Variants in TRAPPC5 observed in about 807,000 individuals in gnomAD.
The protein encoded by TRAPPC5 is trafficking protein particle complex 5.
Under a neutral mutation model 9.8 loss-of-function variants are expected in TRAPPC5, and 5 were observed. The observed-to-expected ratio is 0.51, with a 90% CI of 0.27 to 1.07. The LOEUF is 1.07. Among genes scored for constraint, TRAPPC5 ranks in the 50% least tolerant of loss-of-function variants. TRAPPC5 has a pLI of 0.12. For synonymous variants in TRAPPC5, 146 were observed against 140.7 expected (o/e 1.04, Z -0.26); for missense variants, 243 against 291.5 (o/e 0.83, Z 1.21).
rs1382352426 is a variant in TRAPPC5, at chr19:7,685,256, G to T, written c.*2436G>T. 1.3e-5 allele frequency: 2 copies of T among 151,932 alleles called. No individual in the cohort carries two copies. The highest frequency in any genetic ancestry group is 4.9e-5 in the African/African-American group (2 of 41,214). 9.4% of individuals were successfully genotyped at this position (151,932 alleles called of 1,614,324 possible). Reference sequence around the variant, plus strand: ...CTGGCACTCCAGCCTGAGCAACAGAGTGAGACCCTGTCTTAAAAAAGAAAA... The same window carrying T: ...CTGGCACTCCAGCCTGAGCAACAGATTGAGACCCTGTCTTAAAAAAGAAAA... On this transcript the variant is annotated 3_prime_UTR_variant, in exon 2 of 2. Transcript: ENST00000596148.
rs1040254010 is a variant in TRAPPC5, at chr19:7,682,966, A to C, written c.*146A>C. 3.3e-6 allele frequency: 3 copies of C among 905,792 alleles called. No homozygotes were observed. Among genetic ancestry groups the C allele is most frequent in the Middle Eastern group, 2.8e-4 (1 of 3,616 alleles). The allele number at this position is 905,792 out of a possible 1,614,324, so 56.1% of individuals were successfully genotyped here. A position where few individuals can be genotyped will look rare whatever the true frequency, so the allele number is the denominator to read the frequency against. On this transcript the variant is annotated 3_prime_UTR_variant, in exon 2 of 2. Transcript: ENST00000596148. This position sits in a 1 kb window ranked among gnomAD's most constrained non-coding sequence, Gnocchi z 8.6. ...CCAGGTCCGAATGTGTTTACAGTAGAGTGGGGGCGGGTCTGGCCATAGGGT... is the reference window on the plus strand; with the variant it reads ...CCAGGTCCGAATGTGTTTACAGTAGCGTGGGGGCGGGTCTGGCCATAGGGT...
rs1430812420 is a variant in TRAPPC5, at chr19:7,687,446, G to C, written c.*4626G>C. 1 of 152,478 alleles carries C rather than the reference G, an allele frequency of 6.6e-6. No individual in the cohort carries two copies. The allele number at this position is 152,478 out of a possible 1,614,324, so 9.4% of individuals were successfully genotyped here. On this transcript the variant is annotated 3_prime_UTR_variant, in exon 2 of 2. Coordinates refer to ENST00000596148, the MANE Select transcript of TRAPPC5 (RefSeq NM_001042462.2). ...ACCCTGAGTAGGGTTAACACCTCCA[G>C]ACCCGAAATGGCCTCCGGTTGACCG...
Position 7,681,991 on chromosome 19 carries a change from T to A in TRAPPC5, c.-12-251T>A, listed in dbSNP as rs2032644942. Among the ~76,000 whole-genome samples, 1 of 151,962 alleles carries A rather than the reference T, an allele frequency of 6.6e-6. No individual in the cohort carries two copies. Among genetic ancestry groups the A allele is most frequent in the Admixed American group, 6.6e-5 (1 of 15,260 alleles). ...TCCCCCTCGTGTCTCTCCTCCCACC[T>A]TGTCCCCACTCCCGCTAGCCCGCTG... On this transcript the variant is annotated intron_variant, in intron 1 of 1. Transcript: ENST00000596148. The surrounding 1 kb of genome is among the most constrained non-coding windows in gnomAD (Gnocchi z 8.7).
chr19:7,686,292 AAAG>A lies in TRAPPC5; in HGVS notation c.*3477_*3479del, dbSNP rs1447484327. The A allele has an allele frequency of 6.6e-6, 1 of 152,454 alleles. No individual in the cohort carries two copies. 9.4% of individuals were successfully genotyped at this position (152,454 alleles called of 1,614,324 possible). A position where few individuals can be genotyped will look rare whatever the true frequency, so the allele number is the denominator to read the frequency against. ...GGTTGGGGCAAGGGAGGATGAAGAG[AAAG>A]AAGAGCCTGTGGTTCGGCAGCTTCT... On this transcript the variant is annotated 3_prime_UTR_variant, in exon 2 of 2. Coordinates refer to ENST00000596148, the MANE Select transcript of TRAPPC5 (RefSeq NM_001042462.2).
In TRAPPC5 at chr19:7,683,034, C is replaced by G; in HGVS notation, c.*214C>G. ...CCAGGAGTGGTGGGGAGAAATAAAC[C>G]CGGCAAAAGGAGTTGGTGGGAAATG... On this transcript the variant is annotated 3_prime_UTR_variant, in exon 2 of 2. Transcript: ENST00000596148. 3.5e-6 allele frequency: 2 copies of G among 578,174 alleles called. No homozygotes were observed. The highest frequency in any genetic ancestry group is 6.1e-6 in the Non-Finnish European group (2 of 329,462). 35.8% of individuals were successfully genotyped at this position (578,174 alleles called of 1,614,324 possible). A position where few individuals can be genotyped will look rare whatever the true frequency, so the allele number is the denominator to read the frequency against.
chr19:7,682,429 G>T lies in TRAPPC5; in HGVS notation c.176G>T (p.Arg59Leu), dbSNP rs750022051. ...ELQSRLAALG[R>L]QVGARVLDAL... ...CAGTCGCGCCTGGCCGCGCTGGGCCGCCAGGTGGGCGCGCGCGTGCTGGAT... is the reference window on the plus strand; with the variant it reads ...CAGTCGCGCCTGGCCGCGCTGGGCCTCCAGGTGGGCGCGCGCGTGCTGGAT... The change falls in exon 2 of 2, where the codon CGC (arginine) becomes CTC (leucine). Residue 59 changes from arginine to leucine, a missense_variant. By Grantham distance (102) the Arg-to-Leu change is moderately radical. This residue lies in a region of TRAPPC5 where 154 missense variants were observed against 215.8 expected (regional missense o/e 0.71). Transcript: ENST00000596148. The surrounding 1 kb of genome is among the most constrained non-coding windows in gnomAD (Gnocchi z 8.6). The T allele has an allele frequency of 1.4e-5, 23 of 1,599,046 alleles. No individual in the cohort carries two copies. Among genetic ancestry groups the T allele is most frequent in the East Asian group, 1.4e-4 (6 of 44,416 alleles).
In TRAPPC5 at chr19:7,681,666, T is replaced by C. The variant is rs1166002926; in HGVS notation, c.-12-576T>C. ...CCCCCAACCCTCCTGGCTTTTGGTC[T>C]TGACACGCTCCTACCCCACTCCCAC... On this transcript the variant is annotated intron_variant, in intron 1 of 1. Coordinates refer to ENST00000596148, the MANE Select transcript of TRAPPC5 (RefSeq NM_001042462.2). This position sits in a 1 kb window ranked among gnomAD's most constrained non-coding sequence, Gnocchi z 8.7. 3.3e-5 allele frequency among the ~76,000 whole-genome samples: 5 copies of C among 151,866 alleles called. No homozygotes were observed. The highest frequency in any genetic ancestry group is 1.3e-4 in the Admixed American group (2 of 15,262).
In TRAPPC5 at chr19:7,682,174, C is replaced by CT. The variant is rs1285580407; in HGVS notation, c.-12-67dup. 6 of 1,312,554 alleles carry CT rather than the reference C, an allele frequency of 4.6e-6. No individual in the cohort carries two copies. Among genetic ancestry groups the CT allele is most frequent in the African/African-American group, 1.6e-5 (1 of 63,962 alleles). 81.3% of individuals were successfully genotyped at this position (1,312,554 alleles called of 1,614,324 possible). A position where few individuals can be genotyped will look rare whatever the true frequency, so the allele number is the denominator to read the frequency against. On this transcript the variant is annotated intron_variant, in intron 1 of 1. Transcript: ENST00000596148. This position sits in a 1 kb window ranked among gnomAD's most constrained non-coding sequence, Gnocchi z 8.6. ...GTCCCAGGGCCCCTCGCGGTTCTCCCTCCTTTCCTCCCGGCCTGCTCCCCT... is the reference window on the plus strand; with the variant it reads ...GTCCCAGGGCCCCTCGCGGTTCTCCCTTCCTTTCCTCCCGGCCTGCTCCCCT...
At position 7,684,728 on chromosome 19, in the gene TRAPPC5, C is replaced by T. The variant is rs2032697001; in HGVS notation, c.*1908C>T. On this transcript the variant is annotated 3_prime_UTR_variant, in exon 2 of 2. Transcript: ENST00000596148. ...AGGTGCATTCCTGTAGTCCCAGCTA[C>T]CTAATTTTTTGTATTTTTAGTAGAG... 1 of 152,140 alleles carries T rather than the reference C, an allele frequency of 6.6e-6. No homozygotes were observed. Among genetic ancestry groups the T allele is most frequent in the Non-Finnish European group, 1.5e-5 (1 of 68,030 alleles). 9.4% of individuals were successfully genotyped at this position (152,140 alleles called of 1,614,324 possible).
rs1319829988 is a variant in TRAPPC5, at chr19:7,682,990, G to GT, written c.*172dup. ...GAGTGGGGGCGGGTCTGGCCATAGG[G>GT]TTGGGGGGTTGAGTGAGACCAGGAG... On this transcript the variant is annotated 3_prime_UTR_variant, in exon 2 of 2. Transcript: ENST00000596148. This position sits in a 1 kb window ranked among gnomAD's most constrained non-coding sequence, Gnocchi z 8.6. 2 of 711,988 alleles carry GT rather than the reference G, an allele frequency of 2.8e-6. No individual in the cohort carries two copies. The highest frequency in any genetic ancestry group is 4.6e-6 in the Non-Finnish European group (2 of 432,940). 44.1% of individuals were successfully genotyped at this position (711,988 alleles called of 1,614,324 possible).
At position 7,682,822 on chromosome 19, in the gene TRAPPC5, C is replaced by G; in HGVS notation, c.*2C>G. 1.3e-6 allele frequency: 2 copies of G among 1,582,664 alleles called. No individual in the cohort carries two copies. Among genetic ancestry groups the G allele is most frequent in the African/African-American group, 2.7e-5 (2 of 74,274 alleles). On this transcript the variant is annotated 3_prime_UTR_variant, in exon 2 of 2. Coordinates refer to ENST00000596148, the MANE Select transcript of TRAPPC5 (RefSeq NM_001042462.2). The surrounding 1 kb of genome is among the most constrained non-coding windows in gnomAD (Gnocchi z 8.6). ...GACCGGGCCCTGGAGGGCCGCTGAC[C>G]CTGCCGGAGATAAAGGATACAGAGA...
chr19:7,687,160 A>C lies in TRAPPC5; in HGVS notation c.*4340A>C, dbSNP rs2032730489. ...AGCCCCGGGCGGAGGTGACTGCTCC[A>C]GTCGAGGCAGTGGCAGAAGGGGTGA... On this transcript the variant is annotated 3_prime_UTR_variant, in exon 2 of 2. Transcript: ENST00000596148. 1 of 152,606 alleles carries C rather than the reference A, an allele frequency of 6.6e-6. No homozygotes were observed. Among genetic ancestry groups the C allele is most frequent in the African/African-American group, 2.4e-5 (1 of 41,474 alleles). 9.5% of individuals were successfully genotyped at this position (152,606 alleles called of 1,614,324 possible). A position where few individuals can be genotyped will look rare whatever the true frequency, so the allele number is the denominator to read the frequency against.
In TRAPPC5 at chr19:7,681,052, A is replaced by G. The variant is rs928533856; in HGVS notation, c.-13+174A>G. ...GTGGGTTTCTCCCCAGTGTAGAGGT[A>G]CGGGGCGAGGGTCGCGGGGCCCTGA... On this transcript the variant is annotated intron_variant, in intron 1 of 1. Coordinates refer to ENST00000596148, the MANE Select transcript of TRAPPC5 (RefSeq NM_001042462.2). This position sits in a 1 kb window ranked among gnomAD's most constrained non-coding sequence, Gnocchi z 8.7. The G allele has an allele frequency of 6.6e-6, 1 of 151,030 alleles. No individual in the cohort carries two copies. Among genetic ancestry groups the G allele is most frequent in the Admixed American group, 6.6e-5 (1 of 15,202 alleles). The allele number at this position is 151,030 out of a possible 1,614,324, so 9.4% of individuals were successfully genotyped here. A position where few individuals can be genotyped will look rare whatever the true frequency, so the allele number is the denominator to read the frequency against.
Position 7,683,157 on chromosome 19 carries a change from TG to T in TRAPPC5, c.*342del. The stretch of plus-strand genomic sequence containing the variant: ...CAGGCTGAGACAGACGCCTTTAGAC[TG>T]GGGGTGGGCAAACTGCGCAAAGTGC... On this transcript the variant is annotated 3_prime_UTR_variant, in exon 2 of 2. Transcript: ENST00000596148. 1 of 314,382 alleles carries T rather than the reference TG, an allele frequency of 3.2e-6. No homozygotes were observed. Among genetic ancestry groups the T allele is most frequent in the Non-Finnish European group, 5.9e-6 (1 of 170,466 alleles). 19.5% of individuals were successfully genotyped at this position (314,382 alleles called of 1,614,324 possible).
At position 7,682,657 on chromosome 19, in the gene TRAPPC5, G is replaced by GCACGCT; in HGVS notation, c.407_412dup (p.Thr136_Leu137dup). ...TACATCTCCGTGCCCAAGGAGAACA[G>GCACGCT]CACGCTCAACTGCGCCAGCTTCACG... is the stretch of plus-strand genomic sequence containing the variant. On this transcript the variant is annotated inframe_insertion, in exon 2 of 2. Coordinates refer to ENST00000596148, the MANE Select transcript of TRAPPC5 (RefSeq NM_001042462.2). This position sits in a 1 kb window ranked among gnomAD's most constrained non-coding sequence, Gnocchi z 8.6. 1 of 1,613,900 alleles carries GCACGCT rather than the reference G, an allele frequency of 6.2e-7. No individual in the cohort carries two copies. Among genetic ancestry groups the GCACGCT allele is most frequent in the Non-Finnish European group, 8.5e-7 (1 of 1,179,980 alleles).
In TRAPPC5 at chr19:7,684,509, T is replaced by G. The variant is rs1238468947; in HGVS notation, c.*1689T>G. 2 of 151,316 alleles carry G rather than the reference T, an allele frequency of 1.3e-5. No homozygotes were observed. The highest frequency in any genetic ancestry group is 2.9e-5 in the Non-Finnish European group (2 of 68,240). The allele number at this position is 151,316 out of a possible 1,614,324, so 9.4% of individuals were successfully genotyped here. A position where few individuals can be genotyped will look rare whatever the true frequency, so the allele number is the denominator to read the frequency against. On this transcript the variant is annotated 3_prime_UTR_variant, in exon 2 of 2. Transcript: ENST00000596148. ...TTGCAGTGAGCCGAGATTGCACCAT[T>G]GCACTCCAGCCTGGGCAACAAGAGC...
rs552440339 is a variant in TRAPPC5, at chr19:7,682,897, T to C, written c.*77T>C. ...TCTTGTGTGGCGGCCTTAGATCCAC[T>C]CAGTACCTTGAGCCACAGCCCTGCC... On this transcript the variant is annotated 3_prime_UTR_variant, in exon 2 of 2. Coordinates refer to ENST00000596148, the MANE Select transcript of TRAPPC5 (RefSeq NM_001042462.2). The surrounding 1 kb of genome is among the most constrained non-coding windows in gnomAD (Gnocchi z 8.6). 2 of 1,443,868 alleles carry C rather than the reference T, an allele frequency of 1.4e-6. No homozygotes were observed. Among genetic ancestry groups the C allele is most frequent in the African/African-American group, 2.8e-5 (2 of 70,538 alleles). The allele number at this position is 1,443,868 out of a possible 1,614,324, so 89.4% of individuals were successfully genotyped here. A position where few individuals can be genotyped will look rare whatever the true frequency, so the allele number is the denominator to read the frequency against.
Position 7,687,625 on chromosome 19 carries a change from T to A in TRAPPC5, c.*4805T>A, listed in dbSNP as rs992978336. Reference sequence around the variant, plus strand: ...CCCCTACAGTATTCCAAGGGGCCATTGGACCTCAGAGGCTTCATGTCCTGC... The same window carrying A: ...CCCCTACAGTATTCCAAGGGGCCATAGGACCTCAGAGGCTTCATGTCCTGC... On this transcript the variant is annotated 3_prime_UTR_variant, in exon 2 of 2. Coordinates refer to ENST00000596148, the MANE Select transcript of TRAPPC5 (RefSeq NM_001042462.2). 1 of 152,262 alleles carries A rather than the reference T, an allele frequency of 6.6e-6. No homozygotes were observed. The highest frequency in any genetic ancestry group is 1.5e-5 in the Non-Finnish European group (1 of 68,062). 9.4% of individuals were successfully genotyped at this position (152,262 alleles called of 1,614,324 possible).
Position 7,682,507 on chromosome 19 carries a change from C to T in TRAPPC5, c.254C>T (p.Ala85Val), listed in dbSNP as rs376470132. 15 of 1,613,046 alleles carry T rather than the reference C, an allele frequency of 9.3e-6. No homozygotes were observed. The South Asian group carries it at 1.5e-4, about 17-fold the overall frequency. Reference protein sequence around the residue: ...GARRETKVLGALLFVKGAVWK... With the variant: ...GARRETKVLGVLLFVKGAVWK... Reference sequence around the variant, plus strand: ...CGGCGTGAGACCAAGGTGCTAGGCGCGTTGCTCTTCGTCAAGGGCGCCGTG... The same window carrying T: ...CGGCGTGAGACCAAGGTGCTAGGCGTGTTGCTCTTCGTCAAGGGCGCCGTG... Residue 85 changes from alanine to valine, a missense_variant, in exon 2 of 2, where the codon GCG becomes GTG. By Grantham distance (64) the Ala-to-Val change is moderately conservative (BLOSUM62 0). This residue lies in a region of TRAPPC5 where 154 missense variants were observed against 215.8 expected (regional missense o/e 0.71). Transcript: ENST00000596148. This position sits in a 1 kb window ranked among gnomAD's most constrained non-coding sequence, Gnocchi z 8.6.
Sources: gnomAD v4.1 joint callset for allele counts (sites outside exome capture counted in the v4.1 genomes callset) on GRCh38, gnomAD v4.1.1 for gene constraint, gnomAD v4.1.1 regional missense constraint, Gnocchi (gnomAD v3.1) non-coding constraint, MANE v1.5 for transcripts, NCBI Gene and HGNC (gene_info 2026-07-23, HGNC 2026-07-21) for gene names.